Variants in LOC128125822 observed in about 807,000 individuals in gnomAD.
the LOC128125822 span, among the ~76,000 whole-genome samples, chr6:63,573,900 TTTAGAACTATCCCTGA>T: frequency 6.6e-6 from 1 of 152,128 alleles, no homozygotes; most frequent in Non-Finnish European, 1.5e-5. Flanking sequence ...TCGGGGACTG[TTTAGAACTATCCCTGA>T]GCTCTGTGGT....
the LOC128125822 span, chr6:63,576,723 G>A: frequency 1.6e-6 from 1 of 632,828 alleles, no homozygotes; most frequent in African/African-American, 1.9e-5. Flanking sequence ...TTGTTAGGAG[G>A]TTCATTTCAC....
the LOC128125822 span, chr6:63,581,258 T>C: frequency 6.6e-6 from 1 of 152,610 alleles, no homozygotes; most frequent in African/African-American, 2.4e-5. Context: ...AATATTTGGA[T>C]ACTTGACAAT....
the LOC128125822 span, among the ~76,000 whole-genome samples, chr6:63,575,399 A>G: frequency 6.6e-6 from 1 of 152,236 alleles, no homozygotes; most frequent in South Asian, 2.1e-4. Flanking sequence ...GATTATTAAC[A>G]TCAGTGTCTT....
the LOC128125822 span, among the ~76,000 whole-genome samples, chr6:63,572,980 G>A: frequency 6.6e-6 from 1 of 152,122 alleles, no homozygotes; most frequent in Non-Finnish European, 1.5e-5. Context: ...AGTCCCTCCC[G>A]AGCCCGGAGC....
the LOC128125822 span, chr6:63,579,085 G>GA: frequency 6.8e-7 from 1 of 1,480,360 alleles, no homozygotes; most frequent in East Asian, 2.5e-5. Context: ...TGAAAATACA[G>GA]AAACTTGAAA....
chr6:63,573,920 CTG>C, the LOC128125822 span, among the ~76,000 whole-genome samples: 1 of 152,112 alleles, frequency 6.6e-6, no homozygotes. Flanking sequence ...TCCCTGAGCT[CTG>C]TGGTGTAATA....
the LOC128125822 span, chr6:63,580,165 C>G: frequency 1.2e-6 from 2 of 1,609,336 alleles, no homozygotes; most frequent in Non-Finnish European, 8.5e-7. Flanking sequence ...ACAACTGTTG[C>G]ATTCAATAAA....
At chr6:63,583,354 AAATT>A in the LOC128125822 span, 3 of 152,220 alleles carry the variant, frequency 2.0e-5, no homozygotes, top group East Asian at 5.8e-4. Context: ...CCTGAATTGA[AAATT>A]AAAGACTGGT....
At chr6:63,579,188 G>A in the LOC128125822 span, 4 of 1,499,430 alleles carry the variant, frequency 2.7e-6, no homozygotes, top group East Asian at 2.3e-5. Flanking sequence ...GTTGGGGAAT[G>A]TTTGGAGAAA....
the LOC128125822 span, among the ~76,000 whole-genome samples, chr6:63,577,222 G>A: frequency 2.0e-4 from 30 of 152,348 alleles, no homozygotes; most frequent in African/African-American, 7.0e-4. Flanking sequence ...TATGTGGACA[G>A]TAAAACAGTA....
the LOC128125822 span, chr6:63,582,611 T>A: frequency 6.6e-6 from 1 of 152,390 alleles, no homozygotes; most frequent in Non-Finnish European, 1.5e-5. Flanking sequence ...TAAAATTTGG[T>A]TACTTGGGTT....
At chr6:63,576,438 A>G in the LOC128125822 span, 4 of 399,724 alleles carry the variant, frequency 1.0e-5, no homozygotes, top group East Asian at 7.1e-5. Context: ...TTAAACAGCA[A>G]TTCTGTGGTG....
the LOC128125822 span, chr6:63,581,747 G>A: frequency 2.0e-5 from 3 of 152,132 alleles, no homozygotes; most frequent in Non-Finnish European, 2.9e-5. Flanking sequence ...GTAAAGCTCA[G>A]TTCCACTAGT....
chr6:63,576,689 A>G, the LOC128125822 span: 1 of 602,610 alleles, frequency 1.7e-6, no homozygotes, highest in Non-Finnish European at 2.9e-6. Context: ...CCTCAGTATT[A>G]CTGGATTGAA....
the LOC128125822 span, chr6:63,581,382 A>G: frequency 3.3e-5 from 5 of 152,632 alleles, no homozygotes; most frequent in Admixed American, 6.5e-5. Context: ...TAATTTTGTC[A>G]GTGTTCACCA....
At chr6:63,575,652 T>G in the LOC128125822 span, among the ~76,000 whole-genome samples, 1 of 152,186 alleles carries the variant, frequency 6.6e-6, no homozygotes, top group Non-Finnish European at 1.5e-5. Flanking sequence ...ATTTTGGTTT[T>G]AAAATACAAA....
chr6:63,581,512 C>T, the LOC128125822 span: 6 of 152,566 alleles, frequency 3.9e-5, no homozygotes, highest in East Asian at 1.2e-3. Context: ...ATGAATTGCA[C>T]TTCACTTAAT....
At chr6:63,580,261 G>C in the LOC128125822 span, 1 of 1,096,600 alleles carries the variant, frequency 9.1e-7, no homozygotes, top group East Asian at 2.4e-5. Flanking sequence ...GGCTTAGTAA[G>C]TCTAATGAAG....
chr6:63,579,058 T>TA, the LOC128125822 span: 1 of 1,540,410 alleles, frequency 6.5e-7, no homozygotes, highest in Non-Finnish European at 8.7e-7. Flanking sequence ...TGATTCTAGG[T>TA]AAAAATCTAT....
Sources: allele counts gnomAD v4.1 joint callset (sites outside exome capture counted in the v4.1 genomes callset), GRCh38; gene constraint gnomAD v4.1.1; transcripts MANE v1.5.